PRR14L: variants seen among roughly 807,000 people sequenced by gnomAD.
The protein encoded by PRR14L is proline rich 14 like.
Under a neutral mutation model 155.0 loss-of-function variants are expected in PRR14L, and 80 were observed. That is an observed-to-expected ratio of 0.52 (90% CI 0.43 to 0.62). The LOEUF is 0.62. Ranked by LOEUF, PRR14L falls within the 20% of genes least tolerant of loss-of-function variation. PRR14L has a pLI of 0.00. For synonymous variants in PRR14L, 883 were observed against 916.0 expected, an observed-to-expected ratio of 0.96 and a Z score of 0.65; for missense variants, 2,469 against 2,548.0, an observed-to-expected ratio of 0.97 and a Z score of 0.67.
At chr22:31,733,099 T>G (rs1422230008) in intron 2 of PRR14L, among the ~76,000 whole-genome samples, 4 of 151,516 alleles carry the variant, frequency 2.6e-5, no homozygotes, top group Non-Finnish European at 5.9e-5. Context: ...ACTATTCTCC[T>G]GCCTCAACCT....
In PRR14L at chr22:31,684,915, T is replaced by C. The variant is rs1419197206; in HGVS notation, c.*612A>G. 1 of 152,350 alleles carries C rather than the reference T, an allele frequency of 6.6e-6. No individual in the cohort carries two copies. Among genetic ancestry groups the C allele is most frequent in the Non-Finnish European group, 1.5e-5 (1 of 68,210 alleles). 9.4% of individuals were successfully genotyped at this position (152,350 alleles called of 1,614,324 possible). A position where few individuals can be genotyped will look rare whatever the true frequency, so the allele number is the denominator to read the frequency against. ...GGGCCTGGACGGGCTCCTCTGGCAC[T>C]AGTGACCCAGTCACAGAGGGGAGAA... On this transcript the variant is annotated 3_prime_UTR_variant, in exon 9 of 9. Coordinates refer to ENST00000327423, the MANE Select transcript of PRR14L (RefSeq NM_173566.3).
intron 2 of PRR14L, among the ~76,000 whole-genome samples, chr22:31,735,313 C>T (rs1275850769): frequency 2.6e-5 from 4 of 151,914 alleles, no homozygotes; most frequent in Admixed American, 6.6e-5. Context: ...TCATGGCGGG[C>T]GCCTGTAGTC....
At chr22:31,717,953 G>A (rs1392707963) in intron 3 of PRR14L, among the ~76,000 whole-genome samples, 3 of 147,728 alleles carry the variant, frequency 2.0e-5, no homozygotes, top group African/African-American at 5.0e-5. Context: ...TTGAGATGGA[G>A]TCTTGCTCTT....
At position 31,716,179 on chromosome 22, in the gene PRR14L, T is replaced by G. The variant is rs2074658214; in HGVS notation, c.1660A>C (p.Asn554His). The G allele has an allele frequency of 6.4e-7, 1 of 1,551,604 alleles. No homozygotes were observed. Among genetic ancestry groups the G allele is most frequent in the African/African-American group, 1.4e-5 (1 of 73,188 alleles). Residue 554 changes from asparagine to histidine, a missense_variant, in exon 4 of 9, where the codon AAC (asparagine) becomes CAC (histidine). Asn to His is a moderately conservative substitution (Grantham distance 68). Transcript: ENST00000327423. ...LVSIQRNLEG[N>H]TQLNEASCND... ...CATGATGCTTCATTTAACTGGGTGTTGCCTTCCAGATTTCTCTGGATGCTG... is the reference window on the plus strand; with the variant it reads ...CATGATGCTTCATTTAACTGGGTGTGGCCTTCCAGATTTCTCTGGATGCTG...
At chr22:31,735,543 T>C (rs1321247548) in intron 2 of PRR14L, among the ~76,000 whole-genome samples, 1 of 151,806 alleles carries the variant, frequency 6.6e-6, no homozygotes, top group African/African-American at 2.4e-5. Flanking sequence ...CATATATACA[T>C]GTGTGTGTTC....
At chr22:31,703,850 T>G (rs2147858230) in intron 5 of PRR14L, 129 bp from the exon 6 acceptor site, 1 of 567,066 alleles carries the variant, frequency 1.8e-6, no homozygotes, top group Non-Finnish European at 2.9e-6. Flanking sequence ...CAGACTGGAG[T>G]GCAATGGTAC....
At chr22:31,726,376 C>T (rs1267108206) in intron 2 of PRR14L, among the ~76,000 whole-genome samples, 1 of 152,062 alleles carries the variant, frequency 6.6e-6, no homozygotes, top group African/African-American at 2.4e-5. Flanking sequence ...GGTGATCCAC[C>T]TGCCTCGGCC....
Position 31,714,717 on chromosome 22 carries a change from T to C in PRR14L, c.3122A>G (p.Lys1041Arg), listed in dbSNP as rs1469449710. Residue 1041 changes from lysine (K) to arginine (R), a missense_variant, in exon 4 of 9, where the codon AAG becomes AGG. Physicochemically the swap from Lys to Arg is conservative, Grantham distance 26. Around this residue, in one of 2 missense-constraint regions of PRR14L, gnomAD observed 2,363 missense variants for 2,371.6 expected, o/e 1.00. Transcript: ENST00000327423. ...TGTGGACTCATCACAACCAGACATC[T>C]TGACAAAGGCTCCTTTCAAATTGCA... ...KKCNLKGAFV[K>R]MSGCDESTEG... is the part of the protein sequence containing the mutation. 1 of 1,552,284 alleles carries C rather than the reference T, an allele frequency of 6.4e-7. No homozygotes were observed. Among genetic ancestry groups the C allele is most frequent in the Non-Finnish European group, 8.7e-7 (1 of 1,147,144 alleles).
rs2074628247 is a variant in PRR14L at position 31,712,363 on chromosome 22, G to C, written c.5476C>G (p.Leu1826Val). The C allele has an allele frequency of 6.2e-7, 1 of 1,612,984 alleles. No individual in the cohort carries two copies. Among genetic ancestry groups the C allele is most frequent in the African/African-American group, 1.3e-5 (1 of 74,904 alleles). The stretch of plus-strand genomic sequence containing the variant: ...ATTCGGTAACATCCTGGGGAACAAA[G>C]TGCTAGAAGTGTGTGAAGGCCAAGG... Reference protein sequence around the residue: ...SVLGLHTLLALCSPGCYRIWT... With the variant: ...SVLGLHTLLAVCSPGCYRIWT... Residue 1826 changes from leucine (L) to valine (V), a missense_variant, in exon 4 of 9, where the codon CTT (leucine) becomes GTT (valine). By Grantham distance (32) the Leu-to-Val change is conservative. This residue lies in a region of PRR14L where 2,363 missense variants were observed against 2,371.6 expected (regional missense o/e 1.00). Coordinates refer to ENST00000327423, the MANE Select transcript of PRR14L (RefSeq NM_173566.3).
rs759437194 is a variant in PRR14L, at chr22:31,684,439, T to C, written c.*1088A>G. The C allele has an allele frequency of 2.0e-5, 3 of 152,214 alleles. No individual in the cohort carries two copies. The highest frequency in any genetic ancestry group is 7.2e-5 in the African/African-American group (3 of 41,448). 9.4% of individuals were successfully genotyped at this position (152,214 alleles called of 1,614,324 possible). A position where few individuals can be genotyped will look rare whatever the true frequency, so the allele number is the denominator to read the frequency against. On this transcript the variant is annotated 3_prime_UTR_variant, in exon 9 of 9. Transcript: ENST00000327423. The stretch of plus-strand genomic sequence containing the variant: ...TCAGCCTGTATCACTGCCCAAGCCG[T>C]TGTACTCAATTTTGTTACCTAACAC...
intron 1 of PRR14L, among the ~76,000 whole-genome samples, chr22:31,742,363 C>T (rs1300849220): frequency 7.0e-6 from 1 of 142,392 alleles, no homozygotes; most frequent in Admixed American, 6.8e-5. Flanking sequence ...ACTCAAAACT[C>T]TTCCTTTTTT....
chr22:31,685,362 A>G lies in PRR14L; in HGVS notation c.*165T>C. The G allele has an allele frequency of 1.6e-6, 1 of 613,014 alleles. No individual in the cohort carries two copies. The allele number at this position is 613,014 out of a possible 1,614,324, so 38.0% of individuals were successfully genotyped here. A position where few individuals can be genotyped will look rare whatever the true frequency, so the allele number is the denominator to read the frequency against. ...CTTCACCAGTTTCTAAAAAGGTTGC[A>G]CCTTGAAATAGGTAAAAATTCATGG... is the stretch of plus-strand genomic sequence containing the variant. On this transcript the variant is annotated 3_prime_UTR_variant, in exon 9 of 9. Coordinates refer to ENST00000327423, the MANE Select transcript of PRR14L (RefSeq NM_173566.3).
chr22:31,714,268 TGA>T lies in PRR14L; in HGVS notation c.3569_3570del (p.Leu1190GlnfsTer8). 6.4e-7 allele frequency: 1 copy of T among 1,551,518 alleles called. No individual in the cohort carries two copies. Among genetic ancestry groups the T allele is most frequent in the Non-Finnish European group, 8.7e-7 (1 of 1,146,940 alleles). On this transcript the variant is annotated frameshift_variant, in exon 4 of 9. Transcript: ENST00000327423. LOFTEE classifies it high-confidence loss of function. ...HYGQQDKGTSLRETQEMTEGS... is the reference protein window; with the variant it reads ...HYGQQDKGTSXRETQEMTEGS... ...CCTTCAGTCATTTCTTGTGTTTCTC[TGA>T]GAGATGTTCCTTTATCTTGCTGTCC...
At chr22:31,702,300 G>A (rs907441890) in intron 6 of PRR14L, among the ~76,000 whole-genome samples, 2 of 152,002 alleles carry the variant, frequency 1.3e-5, no homozygotes, top group African/African-American at 2.4e-5. Flanking sequence ...TTGGCTCACC[G>A]CAACCTCTGC....
At chr22:31,740,115 C>T (rs1165550792) in intron 1 of PRR14L, among the ~76,000 whole-genome samples, 1 of 152,054 alleles carries the variant, frequency 6.6e-6, no homozygotes, top group African/African-American at 2.4e-5. Context: ...GGCTAGAGTA[C>T]CATGGTGCAA....
intron 1 of PRR14L, among the ~76,000 whole-genome samples, chr22:31,747,875 A>G (rs2074848554): frequency 2.0e-5 from 3 of 151,820 alleles, no homozygotes; most frequent in African/African-American, 4.8e-5. Context: ...GTTGCTCTCA[A>G]TCTCATCAGA....
intron 7 of PRR14L, among the ~76,000 whole-genome samples, chr22:31,693,786 G>A (rs531408987): frequency 6.6e-6 from 1 of 152,202 alleles, no homozygotes; most frequent in South Asian, 2.1e-4. Flanking sequence ...TTTTGTTCTG[G>A]TGTGCTCCTG....
intron 2 of PRR14L, among the ~76,000 whole-genome samples, chr22:31,737,967 G>A (rs139660100): frequency 2.0e-5 from 3 of 151,190 alleles, no homozygotes; most frequent in East Asian, 3.9e-4. Flanking sequence ...GTGAGCCAAG[G>A]TCGTGCCACT....
Position 31,714,087 on chromosome 22 carries a change from A to G in PRR14L, c.3752T>C (p.Val1251Ala), listed in dbSNP as rs1427327228. ...TTTCAGGTCAGTTTCTTCACTGTTA[A>G]CATTAGTTTCTGAATTTTCTTGAGA... is the stretch of plus-strand genomic sequence containing the variant. ...MPSQENSETN[V>A]NSEETDLKNL... Residue 1251 changes from valine to alanine, a missense_variant, in exon 4 of 9, where the codon GTT (valine) becomes GCT (alanine). Physicochemically the swap from Val to Ala is moderately conservative, Grantham distance 64. Transcript: ENST00000327423. The G allele has an allele frequency of 1.3e-6, 2 of 1,550,096 alleles. No individual in the cohort carries two copies.
Sources: allele counts gnomAD v4.1 joint callset (sites outside exome capture counted in the v4.1 genomes callset), GRCh38; gene constraint gnomAD v4.1.1; regional missense constraint gnomAD v4.1.1; transcripts MANE v1.5; gene names NCBI Gene and HGNC (gene_info 2026-07-23, HGNC 2026-07-21).